Variants in PAWR observed in about 807,000 individuals in gnomAD.
PAWR encodes PRKC apoptosis WT1 regulator protein.
PAWR carries 23 observed loss-of-function variants against 32.0 expected under a neutral mutation model. The observed-to-expected ratio is 0.72, with a 90% CI of 0.52 to 1.02. PAWR has a LOEUF of 1.02. Ranked by LOEUF, PAWR falls within the 50% of genes least tolerant of loss-of-function variation. The probability of loss-of-function intolerance (pLI) is 0.00; values close to 1 mark genes in which losing one functional copy is unlikely to be tolerated. For synonymous variants in PAWR, 226 were observed against 187.1 expected, an observed-to-expected ratio of 1.21 and a Z score of -1.70; for missense variants, 457 against 437.7, an observed-to-expected ratio of 1.04 and a Z score of -0.39.
Position 79,610,351 on chromosome 12 carries a change from C to T in PAWR, c.683+3224G>A, listed in dbSNP as rs563203639. 1.2e-4 allele frequency among the ~76,000 whole-genome samples: 18 copies of T among 152,178 alleles called. No individual in the cohort carries two copies. In the South Asian group the frequency reaches 3.7e-3, roughly 32 times the overall value. ...AATTTGAGTTAGGGTCAAACTGTTCCCTAATGTACCAATTAGGACCAATTT... is the reference window on the plus strand; with the variant it reads ...AATTTGAGTTAGGGTCAAACTGTTCTCTAATGTACCAATTAGGACCAATTT... On this transcript the variant is annotated intron_variant, in intron 4 of 6. Transcript: ENST00000328827.
intron 2 of PAWR, among the ~76,000 whole-genome samples, chr12:79,679,102 T>C (rs1239729168): frequency 6.6e-6 from 1 of 152,186 alleles, no homozygotes; most frequent in Non-Finnish European, 1.5e-5. Flanking sequence ...ACTTTGCTCT[T>C]TTCTCCATCA....
At chr12:79,615,283 TTC>T (rs1874673402) in intron 3 of PAWR, among the ~76,000 whole-genome samples, 1 of 152,186 alleles carries the variant, frequency 6.6e-6, no homozygotes, top group African/African-American at 2.4e-5. Flanking sequence ...AGCAATTCCT[TTC>T]TTTCTCCCCC....
chr12:79,628,103 C>G (rs905160819), intron 2 of PAWR, among the ~76,000 whole-genome samples: 3 of 152,208 alleles, frequency 2.0e-5, no homozygotes, highest in African/African-American at 7.2e-5. Context: ...TTGTAACAAA[C>G]TGTCTCTCAG....
rs982660381 is a variant in PAWR, at chr12:79,589,556, T to C, written c.*3051A>G. On this transcript the variant is annotated 3_prime_UTR_variant, in exon 7 of 7. Coordinates refer to ENST00000328827, the MANE Select transcript of PAWR (RefSeq NM_002583.4). ...ACTACTTGAACAAGTGTGACAGTGC[T>C]AATCTACTATATTTAGTAAATCCCT... The C allele has an allele frequency of 2.0e-5, 3 of 152,128 alleles. No individual in the cohort carries two copies. The highest frequency in any genetic ancestry group is 7.2e-5 in the African/African-American group (3 of 41,440). 9.4% of individuals were successfully genotyped at this position (152,128 alleles called of 1,614,324 possible). A position where few individuals can be genotyped will look rare whatever the true frequency, so the allele number is the denominator to read the frequency against.
chr12:79,645,524 C>G (rs556766496), intron 2 of PAWR, among the ~76,000 whole-genome samples: 2 of 152,266 alleles, frequency 1.3e-5, no homozygotes, highest in African/African-American at 4.8e-5. Flanking sequence ...TTACAAATAT[C>G]TGAGGGCTAA....
intron 3 of PAWR, among the ~76,000 whole-genome samples, chr12:79,613,944 T>TATATATATATATATATATACAC (rs1874564177): frequency 6.9e-5 from 1 of 14,402 alleles, no homozygotes; most frequent in African/African-American, 3.4e-4. Flanking sequence ...TATATATATA[T>TATATATATATATATATATACAC]ATATATATAT....
intron 2 of PAWR, among the ~76,000 whole-genome samples, chr12:79,670,575 T>C (rs900908253): frequency 6.6e-6 from 1 of 152,138 alleles, no homozygotes; most frequent in African/African-American, 2.4e-5. Flanking sequence ...CATCTGACAT[T>C]AGAAAAAATA....
chr12:79,659,690 T>C (rs975037124), intron 2 of PAWR, among the ~76,000 whole-genome samples: 1 of 152,236 alleles, frequency 6.6e-6, no homozygotes, highest in African/African-American at 2.4e-5. Flanking sequence ...AAATAAACTA[T>C]AGTAGATTGA....
At chr12:79,627,395 G>A (rs1322718014) in intron 2 of PAWR, among the ~76,000 whole-genome samples, 2 of 152,160 alleles carry the variant, frequency 1.3e-5, no homozygotes, top group Non-Finnish European at 2.9e-5. Flanking sequence ...CCTCTTTTGA[G>A]AAGTGTCTGT....
chr12:79,655,618 C>A (rs1877058128), intron 2 of PAWR, among the ~76,000 whole-genome samples: 1 of 152,174 alleles, frequency 6.6e-6, no homozygotes, highest in Non-Finnish European at 1.5e-5. Context: ...ATTCGGATTT[C>A]AGGAAGTCTG....
chr12:79,663,136 T>C (rs538360453), intron 2 of PAWR, among the ~76,000 whole-genome samples: 1 of 152,306 alleles, frequency 6.6e-6, no homozygotes, highest in African/African-American at 2.4e-5. Context: ...AAATAATGAA[T>C]GCATAAGGTG....
Position 79,647,936 on chromosome 12 carries a change from A to ATCATCAGCCATTAGATTC in PAWR, c.517-26747_517-26730dup, listed in dbSNP as rs571965137. Among the ~76,000 whole-genome samples, 108 of 152,286 alleles carry ATCATCAGCCATTAGATTC rather than the reference A, an allele frequency of 7.1e-4. 1 individual carries two copies. Among genetic ancestry groups the ATCATCAGCCATTAGATTC allele is most frequent in the Non-Finnish European group, 1.4e-3 (92 of 68,034 alleles). On this transcript the variant is annotated intron_variant, in intron 2 of 6. Transcript: ENST00000328827. The stretch of plus-strand genomic sequence containing the variant: ...TCAGGATGAAACTGTTCTACCTCAG[A>ATCATCAGCCATTAGATTC]TCATCAGCCATTAGATTCTCATAAA...
intron 2 of PAWR, among the ~76,000 whole-genome samples, chr12:79,666,676 T>C (rs1212088318): frequency 6.6e-6 from 1 of 152,200 alleles, no homozygotes; most frequent in Non-Finnish European, 1.5e-5. Context: ...AGTGGACCAA[T>C]TTTCTAAATT....
At position 79,688,985 on chromosome 12, in the gene PAWR, T is replaced by TAAC. The variant is rs200232358; in HGVS notation, c.516+741_516+743dup. On this transcript the variant is annotated intron_variant, in intron 2 of 6. Coordinates refer to ENST00000328827, the MANE Select transcript of PAWR (RefSeq NM_002583.4). ...CTCTAATGGAAGATGCTGCTACCTGTAACGTTTCGAAAATGCTCCAAACTG... is the reference window on the plus strand; with the variant it reads ...CTCTAATGGAAGATGCTGCTACCTGTAACAACGTTTCGAAAATGCTCCAAACTG... Among the ~76,000 whole-genome samples the TAAC allele has an allele frequency of 4.1e-3, 620 of 152,312 alleles. 11 individuals carry two copies. The highest frequency in any genetic ancestry group is 0.014 in the African/African-American group (588 of 41,564).
chr12:79,636,962 A>G (rs1029969951), intron 2 of PAWR, among the ~76,000 whole-genome samples: 7 of 152,206 alleles, frequency 4.6e-5, no homozygotes, highest in African/African-American at 1.4e-4. Flanking sequence ...AATAAGGAAA[A>G]TATGACAACT....
intron 2 of PAWR, among the ~76,000 whole-genome samples, chr12:79,633,494 C>A (rs557487107): frequency 6.6e-6 from 1 of 152,140 alleles, no homozygotes; most frequent in African/African-American, 2.4e-5. Flanking sequence ...GAGGATTTAG[C>A]AGCATAAAGT....
At chr12:79,682,546 A>G (rs910668002) in intron 2 of PAWR, among the ~76,000 whole-genome samples, 1 of 152,220 alleles carries the variant, frequency 6.6e-6, no homozygotes, top group African/African-American at 2.4e-5. Flanking sequence ...AAAAACTATC[A>G]CAGAATAAAC....
chr12:79,689,279 A>G (rs1878843261), intron 2 of PAWR, among the ~76,000 whole-genome samples: 2 of 152,238 alleles, frequency 1.3e-5, no homozygotes, highest in Admixed American at 1.3e-4. Context: ...CATTTTCTTT[A>G]CAGATGTTAT....
At chr12:79,603,551 C>A (rs1416803475) in intron 4 of PAWR, 1 of 151,358 alleles carries the variant, frequency 6.6e-6, no homozygotes, top group African/African-American at 2.4e-5. Context: ...CGTTAGTAAT[C>A]GTGTATTTGC....
Sources: gnomAD v4.1 joint callset for allele counts (sites outside exome capture counted in the v4.1 genomes callset) on GRCh38, gnomAD v4.1.1 for gene constraint, MANE v1.5 for transcripts, NCBI Gene and HGNC (gene_info 2026-07-23, HGNC 2026-07-21) for gene names.